The following KSR1 variants were observed in gnomAD, a reference collection of about 807,000 sequenced individuals.
The protein encoded by KSR1 is kinase suppressor of ras 1.
A neutral mutation model predicts 92.9 loss-of-function variants in KSR1; 35 were observed. That is an observed-to-expected ratio of 0.38 (90% CI 0.29 to 0.50). KSR1 has a LOEUF of 0.50. KSR1 is among the 20% of genes least tolerant of loss of function. The pLI is 0.94. For synonymous variants in KSR1, 467 were observed against 472.6 expected (o/e 0.99, Z 0.15); for missense variants, 972 against 1,158.5 (o/e 0.84, Z 2.34).
chr17:27,456,638 C>G lies in KSR1; in HGVS notation c.-6C>G. ...GCCTCGGCCGCCGCGGCCCCGATGC[C>G]GAGGCATGGATAGAGCAGCGCTGCG... On this transcript the variant is annotated 5_prime_UTR_variant, in exon 1 of 21. Coordinates refer to ENST00000644974, the MANE Select transcript of KSR1 (RefSeq NM_001394583.1). 1.9e-6 allele frequency: 1 copy of G among 520,624 alleles called. No homozygotes were observed. The highest frequency in any genetic ancestry group is 3.3e-6 in the Non-Finnish European group (1 of 303,060). 32.3% of individuals were successfully genotyped at this position (520,624 alleles called of 1,614,324 possible). A position where few individuals can be genotyped will look rare whatever the true frequency, so the allele number is the denominator to read the frequency against.
chr17:27,524,533 A>G (rs1056770076), intron 1 of KSR1, among the ~76,000 whole-genome samples: 1 of 152,208 alleles, frequency 6.6e-6, no homozygotes, highest in Non-Finnish European at 1.5e-5. Flanking sequence ...GGAGGTATTG[A>G]TGGGAGGTGA....
intron 1 of KSR1, among the ~76,000 whole-genome samples, chr17:27,499,178 A>G (rs1038692798): frequency 1.3e-5 from 2 of 152,124 alleles, no homozygotes; most frequent in African/African-American, 4.8e-5. Context: ...TACACCATTA[A>G]CTCAGGGAGG....
At position 27,560,931 on chromosome 17, in the gene KSR1, G is replaced by A. The variant is rs898955628; in HGVS notation, c.372+10223G>A. ...TGTGTCAGCCCAGCAGCACAGGGCT[G>A]CCTTGGTACCAGCCCAGTGGGGGCT... On this transcript the variant is annotated intron_variant, in intron 2 of 20. Coordinates refer to ENST00000644974, the MANE Select transcript of KSR1 (RefSeq NM_001394583.1). Among the ~76,000 whole-genome samples, 2 of 152,212 alleles carry A rather than the reference G, an allele frequency of 1.3e-5. 1 individual carries two copies. The highest frequency in any genetic ancestry group is 4.1e-4 in the South Asian group (2 of 4,834).
intron 1 of KSR1, among the ~76,000 whole-genome samples, chr17:27,474,156 G>A (rs1385636834): frequency 9.2e-5 from 14 of 152,194 alleles, no homozygotes; most frequent in Admixed American, 9.2e-4. Context: ...CTTGTCTCAA[G>A]CATCTAACAG....
chr17:27,574,605 GGA>G, intron 2 of KSR1, among the ~76,000 whole-genome samples: 1 of 152,204 alleles, frequency 6.6e-6, no homozygotes, highest in South Asian at 2.1e-4. Flanking sequence ...CCTTGCTATG[GGA>G]GAGAGGGGTA....
chr17:27,525,367 C>T (rs1229811141), intron 1 of KSR1, among the ~76,000 whole-genome samples: 2 of 152,250 alleles, frequency 1.3e-5, no homozygotes, highest in Non-Finnish European at 2.9e-5. Flanking sequence ...TTTCACCTTG[C>T]ACAAAGGCAC....
At chr17:27,603,458 T>A (rs983843362) in intron 11 of KSR1, among the ~76,000 whole-genome samples, 3 of 152,254 alleles carry the variant, frequency 2.0e-5, no homozygotes, top group African/African-American at 7.2e-5. Context: ...ACAGCAGCTT[T>A]AGCCAGCCTG....
chr17:27,561,339 C>G (rs2071819250), intron 2 of KSR1, among the ~76,000 whole-genome samples: 1 of 152,176 alleles, frequency 6.6e-6, no homozygotes, highest in South Asian at 2.1e-4. Flanking sequence ...CTCTCTTCCC[C>G]CCTCATTTCT....
At chr17:27,481,214 C>T (rs550086692) in intron 1 of KSR1, among the ~76,000 whole-genome samples, 5 of 151,874 alleles carry the variant, frequency 3.3e-5, no homozygotes, top group South Asian at 4.2e-4. Flanking sequence ...TTGTGAGTTT[C>T]GTGATTCACA....
chr17:27,572,992 G>T (rs139565008), intron 2 of KSR1, among the ~76,000 whole-genome samples: 150 of 152,258 alleles, frequency 9.9e-4, no homozygotes, highest in Non-Finnish European at 1.6e-3. Flanking sequence ...TCCAGGGTGG[G>T]CCCCTCACTG....
At chr17:27,578,038 A>C (rs1175362175) in intron 3 of KSR1, 2 of 345,912 alleles carry the variant, frequency 5.8e-6, no homozygotes, top group Admixed American at 4.4e-5. Context: ...GCACATGCTG[A>C]TGTGGGCCTG....
chr17:27,602,035 C>T, intron 11 of KSR1: 1 of 982,296 alleles, frequency 1.0e-6, no homozygotes. Context: ...CATTCCTGCC[C>T]CTAAAGTGCT....
Position 27,498,286 on chromosome 17 carries a change from C to T in KSR1, c.231+41412C>T, listed in dbSNP as rs970614659. 8.6e-5 allele frequency among the ~76,000 whole-genome samples: 12 copies of T among 139,122 alleles called. No individual in the cohort carries two copies. The East Asian group carries it at 1.6e-3, about 18-fold the overall frequency. The allele number at this position is 139,122 out of a possible 152,430, so 91.3% of individuals were successfully genotyped here. A position where few individuals can be genotyped will look rare whatever the true frequency, so the allele number is the denominator to read the frequency against. Reference sequence around the variant, plus strand: ...CAGAGGGGCGGAGGGTGCAGTGAGCCGAGATTGCACCACTGCACTCCAGCC... The same window carrying T: ...CAGAGGGGCGGAGGGTGCAGTGAGCTGAGATTGCACCACTGCACTCCAGCC... On this transcript the variant is annotated intron_variant, in intron 1 of 20. Transcript: ENST00000644974.
At chr17:27,461,791 G>A (rs2039499958) in intron 1 of KSR1, among the ~76,000 whole-genome samples, 1 of 148,176 alleles carries the variant, frequency 6.7e-6, no homozygotes, top group Middle Eastern at 3.2e-3. Context: ...CGTCAGGGTT[G>A]TTTCCTCTTC....
intron 1 of KSR1, among the ~76,000 whole-genome samples, chr17:27,507,023 C>T (rs373113628): frequency 6.6e-6 from 1 of 152,204 alleles, no homozygotes; most frequent in Non-Finnish European, 1.5e-5. Flanking sequence ...TTTTCCAATG[C>T]GGTAGCCATC....
In KSR1 at chr17:27,605,671, C is replaced by T. The variant is rs1000573824; in HGVS notation, c.1852C>T (p.Leu618=). The part of the protein sequence containing the change: ...GRWHGEVAIR[L]LEMDGHNQDH... ...CTGGCATGGCGAGGTGGCCATTCGC[C>T]TGCTGGAGATGGACGGCCACAACCA... is the stretch of plus-strand genomic sequence containing the variant. The change falls in exon 14 of 21, where the codon CTG becomes TTG. Residue 618 remains leucine, a synonymous_variant. Transcript: ENST00000644974. The T allele has an allele frequency of 1.4e-5, 22 of 1,612,504 alleles. No homozygotes were observed. The Admixed American group carries it at 3.2e-4, about 23-fold the overall frequency.
chr17:27,499,137 G>A (rs987390885), intron 1 of KSR1, among the ~76,000 whole-genome samples: 5 of 152,172 alleles, frequency 3.3e-5, no homozygotes, highest in Admixed American at 6.5e-5. Flanking sequence ...AGGAACAAGG[G>A]TGCGATCAGC....
At chr17:27,621,768 G>T (rs2074229765) in intron 20 of KSR1, among the ~76,000 whole-genome samples, 1 of 152,162 alleles carries the variant, frequency 6.6e-6, no homozygotes, top group African/African-American at 2.4e-5. Context: ...ATGCAGTGCA[G>T]CCAAGCCTGG....
intron 1 of KSR1, among the ~76,000 whole-genome samples, chr17:27,462,396 C>T (rs762210017): frequency 4.6e-5 from 7 of 152,204 alleles, no homozygotes; most frequent in Admixed American, 1.3e-4. Flanking sequence ...AGGGCTGGGC[C>T]GAGGGCATTC....
Sources: gnomAD v4.1 joint callset for allele counts (sites outside exome capture counted in the v4.1 genomes callset) on GRCh38, gnomAD v4.1.1 for gene constraint, MANE v1.5 for transcripts, NCBI Gene and HGNC (gene_info 2026-07-23, HGNC 2026-07-21) for gene names.